The following NKAIN2 variants were observed in gnomAD, a reference collection of about 807,000 sequenced individuals.
NKAIN2 encodes sodium/potassium-transporting ATPase subunit beta-1-interacting protein 2.
NKAIN2 carries 14 observed loss-of-function variants against 32.6 expected under a neutral mutation model. The observed-to-expected ratio is 0.43, with a 90% confidence interval of 0.28 to 0.67. The LOEUF is 0.67. Among genes scored for constraint, NKAIN2 ranks in the 30% least tolerant of loss-of-function variants. The pLI is 0.17. For synonymous variants in NKAIN2, 80 were observed against 87.2 expected, an observed-to-expected ratio of 0.92 and a Z score of 0.46; for missense variants, 198 against 258.3, an observed-to-expected ratio of 0.77 and a Z score of 1.60.
At chr6:124,165,737 A>G (rs1466303339) in intron 1 of NKAIN2, among the ~76,000 whole-genome samples, 10 of 148,426 alleles carry the variant, frequency 6.7e-5, no homozygotes, top group South Asian at 4.4e-4. Flanking sequence ...TCATTGTTCA[A>G]TTCCCACCTA....
intron 1 of NKAIN2, among the ~76,000 whole-genome samples, chr6:123,941,049 T>C (rs1479377179): frequency 1.3e-5 from 2 of 151,970 alleles, no homozygotes; most frequent in Non-Finnish European, 2.9e-5. Flanking sequence ...TTTTATTTTT[T>C]ACTTTTTAAA....
At chr6:124,534,410 CA>C (rs1443078915) in intron 3 of NKAIN2, among the ~76,000 whole-genome samples, 1 of 152,190 alleles carries the variant, frequency 6.6e-6, no homozygotes. Flanking sequence ...CTTGGCCTCC[CA>C]AAGTGCTGGA....
intron 2 of NKAIN2, among the ~76,000 whole-genome samples, chr6:124,338,198 C>G (rs1329237023): frequency 6.6e-6 from 1 of 152,120 alleles, no homozygotes; most frequent in Non-Finnish European, 1.5e-5. Context: ...AAAAGTGATG[C>G]TCTCCACTCA....
intron 1 of NKAIN2, among the ~76,000 whole-genome samples, chr6:123,961,870 CAT>C (rs1471870718): frequency 6.6e-6 from 1 of 152,002 alleles, no homozygotes; most frequent in Non-Finnish European, 1.5e-5. Context: ...TAAATTATAA[CAT>C]AGTGGAAATA....
intron 1 of NKAIN2, among the ~76,000 whole-genome samples, chr6:124,273,441 A>G (rs1051126706): frequency 4.6e-5 from 7 of 152,204 alleles, no homozygotes; most frequent in Non-Finnish European, 8.8e-5. Context: ...CCTCCCAGAC[A>G]TGCAGAATTG....
chr6:123,986,527 C>A lies in NKAIN2; in HGVS notation c.54+182273C>A, dbSNP rs140387535. 9.6e-3 allele frequency among the ~76,000 whole-genome samples: 1,455 copies of A among 152,210 alleles called. 25 individuals carry two copies. Among genetic ancestry groups the A allele is most frequent in the African/African-American group, 0.033 (1,390 of 41,520 alleles). On this transcript the variant is annotated intron_variant, in intron 1 of 6. Coordinates refer to ENST00000368417, the MANE Select transcript of NKAIN2 (RefSeq NM_001040214.3). ...TAGTTAATAATCTTTGCAATTCCTTCCAAAGGTATGAGCCGACTCTGTATC... is the reference window on the plus strand; with the variant it reads ...TAGTTAATAATCTTTGCAATTCCTTACAAAGGTATGAGCCGACTCTGTATC...
intron 4 of NKAIN2, among the ~76,000 whole-genome samples, chr6:124,735,289 A>G (rs941096759): frequency 6.6e-6 from 1 of 151,902 alleles, no homozygotes; most frequent in Non-Finnish European, 1.5e-5. Context: ...AGGTGGGTAT[A>G]TTATATAAAT....
intron 1 of NKAIN2, among the ~76,000 whole-genome samples, chr6:123,891,299 C>T (rs917019902): frequency 9.2e-5 from 14 of 152,200 alleles, no homozygotes; most frequent in African/African-American, 3.1e-4. Flanking sequence ...GTACTTACTG[C>T]TATTAAAGTG....
rs1226185325 is a variant in NKAIN2, at chr6:123,963,677, A to C, written c.54+159423A>C. On this transcript the variant is annotated intron_variant, in intron 1 of 6. Coordinates refer to ENST00000368417, the MANE Select transcript of NKAIN2 (RefSeq NM_001040214.3). ...ACATACATGTGAACAGAAAGCGTAA[A>C]AGAAAGCAGATATTCAAGGAGACTT... 2.6e-5 allele frequency among the ~76,000 whole-genome samples: 4 copies of C among 152,226 alleles called. No homozygotes were observed. In the East Asian group the frequency reaches 7.7e-4, roughly 29 times the overall value.
chr6:124,272,603 C>T (rs1166001645), intron 1 of NKAIN2, among the ~76,000 whole-genome samples: 1 of 152,202 alleles, frequency 6.6e-6, no homozygotes, highest in East Asian at 1.9e-4. Flanking sequence ...TTTGAGCCCC[C>T]ACACAGAGTA....
intron 1 of NKAIN2, among the ~76,000 whole-genome samples, chr6:124,240,030 C>T (rs1271282825): frequency 6.6e-6 from 1 of 151,918 alleles, no homozygotes; most frequent in Admixed American, 6.6e-5. Context: ...AAAGAAGAAT[C>T]AAATAGGCAC....
chr6:124,080,524 A>G (rs1325759270), intron 1 of NKAIN2, among the ~76,000 whole-genome samples: 1 of 152,176 alleles, frequency 6.6e-6, no homozygotes, highest in Non-Finnish European at 1.5e-5. Flanking sequence ...TCCATTTTAT[A>G]TATAATATAC....
chr6:124,661,939 A>C (rs1308999530), intron 4 of NKAIN2, among the ~76,000 whole-genome samples: 4 of 152,242 alleles, frequency 2.6e-5, no homozygotes, highest in African/African-American at 7.2e-5. Flanking sequence ...AAATATGTTC[A>C]CATGAATTAA....
chr6:124,034,216 T>G (rs1781517041), intron 1 of NKAIN2, among the ~76,000 whole-genome samples: 1 of 152,060 alleles, frequency 6.6e-6, no homozygotes, highest in Admixed American at 6.6e-5. Flanking sequence ...CGACTTCTAT[T>G]GAATTCATCA....
chr6:124,066,826 T>A (rs1346517005), intron 1 of NKAIN2, among the ~76,000 whole-genome samples: 1 of 151,554 alleles, frequency 6.6e-6, no homozygotes, highest in East Asian at 1.9e-4. Context: ...CAAAACACAT[T>A]GATGCAATTT....
At chr6:124,461,639 A>T (rs1776535903) in intron 3 of NKAIN2, among the ~76,000 whole-genome samples, 1 of 151,864 alleles carries the variant, frequency 6.6e-6, no homozygotes, top group African/African-American at 2.4e-5. Flanking sequence ...GAATAATAAA[A>T]AGCAATGCTA....
intron 1 of NKAIN2, among the ~76,000 whole-genome samples, chr6:123,846,870 T>C (rs1775117189): frequency 6.7e-6 from 1 of 150,190 alleles, no homozygotes; most frequent in Admixed American, 6.7e-5. Flanking sequence ...ACATAACACA[T>C]GTCTCTTATT....
intron 1 of NKAIN2, among the ~76,000 whole-genome samples, chr6:124,260,330 A>G (rs1465171695): frequency 6.6e-6 from 1 of 152,164 alleles, no homozygotes; most frequent in Non-Finnish European, 1.5e-5. Flanking sequence ...TGTTAAATGC[A>G]AACGAGAAAT....
chr6:124,321,208 A>G (rs1797172576), intron 2 of NKAIN2, among the ~76,000 whole-genome samples: 1 of 152,066 alleles, frequency 6.6e-6, no homozygotes, highest in African/African-American at 2.4e-5. Context: ...TTACTTTAAA[A>G]TCCCCATTCC....
Sources: allele counts gnomAD v4.1 joint callset (sites outside exome capture counted in the v4.1 genomes callset), GRCh38; gene constraint gnomAD v4.1.1; transcripts MANE v1.5; gene names NCBI Gene and HGNC (gene_info 2026-07-23, HGNC 2026-07-21).